Variants in GLRB observed in about 807,000 individuals in gnomAD.
GLRB encodes the protein glycine receptor beta, also known as glycine receptor subunit beta.
A neutral mutation model predicts 54.2 loss-of-function variants in GLRB; 33 were observed. That is an observed-to-expected ratio of 0.61 (90% confidence interval 0.46 to 0.81). The LOEUF (loss-of-function observed/expected upper bound fraction) is 0.81, where lower values mean the gene tolerates loss of function less well. Ranked by LOEUF, GLRB falls within the 40% of genes least tolerant of loss-of-function variation. The probability of loss-of-function intolerance (pLI) is 0.00; values close to 1 mark genes in which losing one functional copy is unlikely to be tolerated. For synonymous variants in GLRB, 209 were observed against 208.2 expected (o/e 1.00, Z -0.03); for missense variants, 572 against 584.6 (o/e 0.98, Z 0.22).
At chr4:157,110,629 G>A (rs911826981) in intron 2 of GLRB, among the ~76,000 whole-genome samples, 6 of 151,854 alleles carry the variant, frequency 4.0e-5, no homozygotes, top group Non-Finnish European at 2.9e-5. Context: ...CATTCGGGTT[G>A]GTTTTTGGAG....
At chr4:157,119,619 A>G (rs1021755696) in intron 2 of GLRB, among the ~76,000 whole-genome samples, 1 of 151,690 alleles carries the variant, frequency 6.6e-6, no homozygotes, top group Non-Finnish European at 1.5e-5. Flanking sequence ...ATTTTTAATA[A>G]CAATGTCTTT....
In GLRB at chr4:157,102,275, G is replaced by A. The variant is rs191147923; in HGVS notation, c.123-18281G>A. The stretch of plus-strand genomic sequence containing the variant: ...TACAATACAGTACTGTTAACTATAG[G>A]CACATATCTAGAATTTATTCATCTT... On this transcript the variant is annotated intron_variant, in intron 2 of 9. Coordinates refer to ENST00000264428, the MANE Select transcript of GLRB (RefSeq NM_000824.5). Among the ~76,000 whole-genome samples the A allele has an allele frequency of 5.3e-5, 8 of 152,096 alleles. No individual in the cohort carries two copies. The East Asian group carries it at 1.5e-3, about 29-fold the overall frequency.
intron 7 of GLRB, among the ~76,000 whole-genome samples, chr4:157,143,058 G>A (rs1208388643): frequency 6.6e-6 from 1 of 152,072 alleles, no homozygotes; most frequent in African/African-American, 2.4e-5. Context: ...TAATTTGGGG[G>A]ACTAGTTGAT....
chr4:157,150,647 T>C (rs1736987864), intron 8 of GLRB, among the ~76,000 whole-genome samples: 2 of 152,058 alleles, frequency 1.3e-5, no homozygotes, highest in Admixed American at 6.6e-5. Context: ...CGGTTCTTTG[T>C]TCCTTGGCCT....
intron 2 of GLRB, among the ~76,000 whole-genome samples, chr4:157,117,310 T>C (rs1185356470): frequency 6.6e-6 from 1 of 151,752 alleles, no homozygotes; most frequent in Non-Finnish European, 1.5e-5. Context: ...CTCTTAACCC[T>C]GCTGTCTTAG....
chr4:157,129,636 A>G (rs1370341370), intron 4 of GLRB, among the ~76,000 whole-genome samples: 2 of 151,934 alleles, frequency 1.3e-5, no homozygotes, highest in South Asian at 4.1e-4. Flanking sequence ...AATAATCAGG[A>G]TGATACACTG....
At chr4:157,168,688 C>T (rs918529902) in intron 9 of GLRB, among the ~76,000 whole-genome samples, 3 of 152,044 alleles carry the variant, frequency 2.0e-5, no homozygotes, top group African/African-American at 7.2e-5. Flanking sequence ...TCCTCATCAA[C>T]ATTTTTTGGG....
At position 157,077,993 on chromosome 4, in the gene GLRB, T is replaced by C; in HGVS notation, c.-29-3T>C. 1 of 1,576,870 alleles carries C rather than the reference T, an allele frequency of 6.3e-7. No individual in the cohort carries two copies. Among genetic ancestry groups the C allele is most frequent in the Non-Finnish European group, 8.7e-7 (1 of 1,148,298 alleles). On this transcript the variant is annotated splice_region_variant and splice_polypyrimidine_tract_variant and intron_variant, in intron 1 of 9. Coordinates refer to ENST00000264428, the MANE Select transcript of GLRB (RefSeq NM_000824.5). ...GTAAACATTTTCTTGTTCTCTCTTGTAGATCGATCTTCTGAAATTCAAGTT... is the reference window on the plus strand; with the variant it reads ...GTAAACATTTTCTTGTTCTCTCTTGCAGATCGATCTTCTGAAATTCAAGTT...
intron 7 of GLRB, among the ~76,000 whole-genome samples, chr4:157,140,508 GT>G (rs924440943): frequency 2.6e-5 from 4 of 152,038 alleles, no homozygotes; most frequent in African/African-American, 9.6e-5. Context: ...CACGTACTTA[GT>G]AGATAGGTTT....
chr4:157,154,631 T>C (rs1737157003), intron 9 of GLRB, among the ~76,000 whole-genome samples: 1 of 152,084 alleles, frequency 6.6e-6, no homozygotes, highest in Admixed American at 6.5e-5. Flanking sequence ...TTCTTCATGT[T>C]GGTCAGGTTG....
intron 2 of GLRB, among the ~76,000 whole-genome samples, chr4:157,102,038 C>A (rs952634322): frequency 6.6e-6 from 1 of 151,962 alleles, no homozygotes; most frequent in Non-Finnish European, 1.5e-5. Context: ...TAATAATAAC[C>A]CAATTGGTTC....
chr4:157,130,020 AT>A (rs1390685449), intron 4 of GLRB, among the ~76,000 whole-genome samples: 7 of 151,698 alleles, frequency 4.6e-5, no homozygotes, highest in Non-Finnish European at 1.5e-5. Context: ...ATATTTCCTA[AT>A]AAAATGAAAA....
rs1579211818 is a variant in GLRB at position 157,117,284 on chromosome 4, A to G, written c.123-3272A>G. 4.6e-5 allele frequency among the ~76,000 whole-genome samples: 7 copies of G among 151,610 alleles called. No individual in the cohort carries two copies. The South Asian group carries it at 1.5e-3, about 31-fold the overall frequency. ...TGGAGCAGGTTTCATTCTTGGCTCT[A>G]CCACCTTAGAAAAATCTCTTAACCC... is the stretch of plus-strand genomic sequence containing the variant. On this transcript the variant is annotated intron_variant, in intron 2 of 9. Transcript: ENST00000264428.
chr4:157,159,775 G>T (rs770997848), intron 9 of GLRB, among the ~76,000 whole-genome samples: 87 of 152,158 alleles, frequency 5.7e-4, no homozygotes, highest in Admixed American at 1.0e-3. Context: ...GTTCATCCGG[G>T]ATATTCATCT....
At chr4:157,162,083 A>T (rs1450907004) in intron 9 of GLRB, among the ~76,000 whole-genome samples, 1 of 152,046 alleles carries the variant, frequency 6.6e-6, no homozygotes, top group African/African-American at 2.4e-5. Flanking sequence ...CATTCATTTG[A>T]TCTTCAATCA....
intron 2 of GLRB, among the ~76,000 whole-genome samples, chr4:157,080,995 T>G (rs923086685): frequency 6.6e-6 from 1 of 152,180 alleles, no homozygotes; most frequent in African/African-American, 2.4e-5. Context: ...TTAATATTGA[T>G]GCTGAGCTTG....
intron 2 of GLRB, chr4:157,084,687 C>A: frequency 2.2e-6 from 1 of 456,034 alleles, no homozygotes. Flanking sequence ...CATTGAATGA[C>A]AGCATTTTCA....
Position 157,171,080 on chromosome 4 carries a change from C to A in GLRB, c.*352C>A, listed in dbSNP as rs1208745599. On this transcript the variant is annotated 3_prime_UTR_variant, in exon 10 of 10. Coordinates refer to ENST00000264428, the MANE Select transcript of GLRB (RefSeq NM_000824.5). ...TGCACGCTGAATCCTGCTATGGTCA[C>A]CATTCTAATGTATGTAGTATTTCAA... 1.8e-5 allele frequency: 3 copies of A among 163,664 alleles called. No individual in the cohort carries two copies. The highest frequency in any genetic ancestry group is 4.8e-5 in the African/African-American group (2 of 41,794). The allele number at this position is 163,664 out of a possible 1,614,324, so 10.1% of individuals were successfully genotyped here.
At chr4:157,153,887 T>C (rs1737122308) in intron 9 of GLRB, among the ~76,000 whole-genome samples, 1 of 152,202 alleles carries the variant, frequency 6.6e-6, no homozygotes, top group Non-Finnish European at 1.5e-5. Context: ...GCTCTATCAG[T>C]TTGTTAATCA....
Sources: gnomAD v4.1 joint callset for allele counts (sites outside exome capture counted in the v4.1 genomes callset) on GRCh38, gnomAD v4.1.1 for gene constraint, MANE v1.5 for transcripts, NCBI Gene and HGNC (gene_info 2026-07-23, HGNC 2026-07-21) for gene names.